TAFA5: variants seen among roughly 807,000 people sequenced by gnomAD.
The protein encoded by TAFA5 is TAFA chemokine like family member 5, also known as chemokine-like protein TAFA-5.
Under a neutral mutation model 15.3 loss-of-function variants are expected in TAFA5, and 6 were observed. That is an observed-to-expected ratio of 0.39 (90% confidence interval 0.21 to 0.77). TAFA5 has a LOEUF of 0.77. TAFA5 is among the 30% of genes least tolerant of loss of function. The pLI is 0.41. For synonymous variants in TAFA5, 103 were observed against 80.7 expected (o/e 1.28, Z -1.48); for missense variants, 161 against 193.1 (o/e 0.83, Z 0.98).
chr22:48,553,928 A>G (rs1922943079), intron 1 of TAFA5, among the ~76,000 whole-genome samples: 1 of 152,234 alleles, frequency 6.6e-6, no homozygotes, highest in African/African-American at 2.4e-5. Flanking sequence ...GTCCTGGCCA[A>G]GCGTGGACAC....
intron 1 of TAFA5, among the ~76,000 whole-genome samples, chr22:48,583,011 TACACCAC>T (rs1204199216): frequency 1.5e-5 from 1 of 68,514 alleles, no homozygotes; most frequent in African/African-American, 6.3e-5. Context: ...ACACACAAAA[TACACCAC>T]ACACCACATG....
intron 1 of TAFA5, among the ~76,000 whole-genome samples, chr22:48,551,388 C>CAGAGG (rs1922850814): frequency 6.6e-6 from 1 of 152,184 alleles, no homozygotes; most frequent in South Asian, 2.1e-4. Context: ...GTGTCAACAG[C>CAGAGG]AGACCCGTAT....
chr22:48,641,357 G>T (rs1180962913), intron 1 of TAFA5, among the ~76,000 whole-genome samples: 2 of 152,154 alleles, frequency 1.3e-5, no homozygotes, highest in Non-Finnish European at 2.9e-5. Flanking sequence ...CAAATTTGGG[G>T]ATGTGTTCCG....
At chr22:48,585,041 C>T (rs776725698) in intron 1 of TAFA5, among the ~76,000 whole-genome samples, 16 of 9,904 alleles carry the variant, frequency 1.6e-3, no homozygotes, top group East Asian at 0.015. Flanking sequence ...AGATACCACA[C>T]GCACACCACT....
chr22:48,509,815 G>A (rs1921143589), intron 1 of TAFA5, among the ~76,000 whole-genome samples: 2 of 151,960 alleles, frequency 1.3e-5, no homozygotes, highest in Non-Finnish European at 2.9e-5. Flanking sequence ...GCCGGGCACA[G>A]TGGCGGGCGC....
intron 2 of TAFA5, among the ~76,000 whole-genome samples, chr22:48,662,947 CCTT>C (rs1444953133): frequency 6.6e-6 from 1 of 152,206 alleles, no homozygotes; most frequent in Admixed American, 6.5e-5. Context: ...ATAAAGGTCT[CCTT>C]TAATCATTCA....
At chr22:48,683,292 G>A (rs922314592) in intron 2 of TAFA5, among the ~76,000 whole-genome samples, 2 of 152,308 alleles carry the variant, frequency 1.3e-5, no homozygotes, top group South Asian at 4.2e-4. Context: ...ACACACAGAC[G>A]AGAGTGCTGG....
Position 48,560,485 on chromosome 22 carries a change from T to C in TAFA5, c.112+70781T>C, listed in dbSNP as rs983331290. On this transcript the variant is annotated intron_variant, in intron 1 of 3. Transcript: ENST00000402357. The surrounding 1 kb of genome is among the most constrained non-coding windows in gnomAD (Gnocchi z 4.2). ...GGACAGTGCCAGCAGGCGCCCCCAG[T>C]GTGAACTAATGTGAGGTGCTTTCAT... Among the ~76,000 whole-genome samples the C allele has an allele frequency of 2.6e-5, 4 of 152,182 alleles. No individual in the cohort carries two copies. The highest frequency in any genetic ancestry group is 4.4e-5 in the Non-Finnish European group (3 of 68,020).
chr22:48,709,096 C>T (rs1030153675), intron 3 of TAFA5, among the ~76,000 whole-genome samples: 4 of 152,180 alleles, frequency 2.6e-5, no homozygotes, highest in Non-Finnish European at 4.4e-5. Flanking sequence ...TCAGGGACCT[C>T]TTGCATTTGT....
intron 1 of TAFA5, among the ~76,000 whole-genome samples, chr22:48,642,062 G>A (rs746546865): frequency 6.6e-6 from 1 of 152,100 alleles, no homozygotes; most frequent in Non-Finnish European, 1.5e-5. Flanking sequence ...GGGCAGCCTG[G>A]TGGAGGGGCC....
At chr22:48,494,370 C>G (rs996774778) in intron 1 of TAFA5, among the ~76,000 whole-genome samples, 1 of 152,336 alleles carries the variant, frequency 6.6e-6, no homozygotes, top group East Asian at 1.9e-4. Flanking sequence ...ACCTGTCACC[C>G]GGAGCACTGT....
At chr22:48,521,460 A>G (rs1921597620) in intron 1 of TAFA5, among the ~76,000 whole-genome samples, 1 of 150,642 alleles carries the variant, frequency 6.6e-6, no homozygotes, top group African/African-American at 2.5e-5. Flanking sequence ...TCCTTTCTGC[A>G]TTGCTAATGA....
chr22:48,702,128 AGTGT>A (rs71669916), intron 2 of TAFA5, among the ~76,000 whole-genome samples: 7 of 107,650 alleles, frequency 6.5e-5, no homozygotes, highest in Non-Finnish European at 1.2e-4. Context: ...CTTGTGTGTG[AGTGT>A]GTGTGTGTGC....
intron 2 of TAFA5, among the ~76,000 whole-genome samples, chr22:48,652,519 C>T (rs1601644888): frequency 6.6e-6 from 1 of 152,352 alleles, no homozygotes; most frequent in African/African-American, 2.4e-5. Flanking sequence ...GCCCTTCCTG[C>T]GTTGAGCCCT....
chr22:48,568,166 C>T (rs964116027), intron 1 of TAFA5, among the ~76,000 whole-genome samples: 9 of 152,226 alleles, frequency 5.9e-5, no homozygotes, highest in Admixed American at 1.3e-4. Context: ...GCCCAGACTG[C>T]GGCCTCAGCC....
At chr22:48,693,201 C>T (rs546922622) in intron 2 of TAFA5, 14 of 1,224,644 alleles carry the variant, frequency 1.1e-5, no homozygotes, top group East Asian at 1.0e-4. Context: ...GCCTCAGTGA[C>T]GGGGCCTCAC....
chr22:48,526,971 T>C (rs1170451199), intron 1 of TAFA5, among the ~76,000 whole-genome samples: 1 of 152,242 alleles, frequency 6.6e-6, no homozygotes, highest in African/African-American at 2.4e-5. Context: ...TTTCTTTAAG[T>C]GATTCCTTTC....
intron 1 of TAFA5, among the ~76,000 whole-genome samples, chr22:48,500,845 G>A (rs778268885): frequency 3.3e-5 from 5 of 152,160 alleles, no homozygotes; most frequent in Non-Finnish European, 5.9e-5. Context: ...GGCCCTGCTC[G>A]GGTAGGGCTG....
chr22:48,558,766 T>G (rs574915634), intron 1 of TAFA5, among the ~76,000 whole-genome samples: 1 of 152,316 alleles, frequency 6.6e-6, no homozygotes, highest in Non-Finnish European at 1.5e-5. Flanking sequence ...GACACGAGTG[T>G]GTGCCACAGA....
Sources: allele counts gnomAD v4.1 joint callset (sites outside exome capture counted in the v4.1 genomes callset), GRCh38; gene constraint gnomAD v4.1.1; non-coding constraint Gnocchi (gnomAD v3.1); transcripts MANE v1.5; gene names NCBI Gene and HGNC (gene_info 2026-07-23, HGNC 2026-07-21).